The following ENOSF1 variants were observed in gnomAD, a reference collection of about 807,000 sequenced individuals.
ENOSF1 encodes the protein mitochondrial enolase superfamily member 1.
ENOSF1 carries 73 observed loss-of-function variants against 68.2 expected under a neutral mutation model. The observed-to-expected ratio is 1.07, with a 90% confidence interval of 0.89 to 1.30. The LOEUF (loss-of-function observed/expected upper bound fraction) is 1.30, where lower values mean the gene tolerates loss of function less well. ENOSF1 is among the 50% of genes most tolerant of loss of function. The pLI is 0.00. For synonymous variants in ENOSF1, 223 were observed against 210.4 expected (o/e 1.06, Z -0.52); for missense variants, 589 against 554.5 (o/e 1.06, Z -0.62).
At chr18:694,016 C>T in intron 4 of ENOSF1, 108 bp from the exon 5 acceptor site, 2 of 1,263,118 alleles carry the variant, frequency 1.6e-6, no homozygotes, top group Non-Finnish European at 2.3e-6. Context: ...CCACCAGGTC[C>T]CCACACCCCC....
At chr18:704,240 C>G (rs937179956) in intron 2 of ENOSF1, among the ~76,000 whole-genome samples, 3 of 151,826 alleles carry the variant, frequency 2.0e-5, no homozygotes, top group Non-Finnish European at 2.9e-5. Context: ...CCGGCCTGAC[C>G]AAACATGGTG....
At chr18:709,475 A>G (rs1282020506) in intron 1 of ENOSF1, among the ~76,000 whole-genome samples, 2 of 152,188 alleles carry the variant, frequency 1.3e-5, no homozygotes, top group Non-Finnish European at 2.9e-5. Flanking sequence ...TAGATTTCAG[A>G]TTAAGAAGGA....
chr18:686,664 A>G (rs2144857846), intron 9 of ENOSF1: 1 of 152,346 alleles, frequency 6.6e-6, no homozygotes, highest in South Asian at 2.1e-4. Context: ...TCCACACCCT[A>G]TGACTCTGCT....
intron 8 of ENOSF1, among the ~76,000 whole-genome samples, 176 bp downstream of exon 8, chr18:690,373 G>C: frequency 6.6e-6 from 1 of 152,174 alleles, no homozygotes; most frequent in South Asian, 2.1e-4. Context: ...GAGTAAAATA[G>C]CAGGACACCC....
At chr18:691,300 G>A in intron 5 of ENOSF1, 24 bp from the exon 6 acceptor site, 1 of 1,592,040 alleles carries the variant, frequency 6.3e-7, no homozygotes, top group Non-Finnish European at 8.6e-7. Context: ...AGGAGGGGAA[G>A]AGGCCTGAAT....
At chr18:708,760 G>C (rs146173846) in intron 1 of ENOSF1, among the ~76,000 whole-genome samples, 2 of 152,258 alleles carry the variant, frequency 1.3e-5, no homozygotes, top group South Asian at 2.1e-4. Context: ...CAAGGTAGCA[G>C]CAGCAGCAGT....
downstream of ENOSF1, chr18:667,801 T>C (rs117960403): frequency 6.6e-5 from 10 of 152,274 alleles, no homozygotes; most frequent in Non-Finnish European, 1.0e-4. Context: ...AGGGTGTCCG[T>C]AGGATGTGAG....
intron 13 of ENOSF1, 121 bp downstream of exon 13, chr18:677,622 T>C (rs962146915): frequency 2.9e-6 from 4 of 1,385,326 alleles, no homozygotes; most frequent in Middle Eastern, 2.6e-4. Flanking sequence ...AAATGAGAGT[T>C]AGAAAAAAAT....
chr18:700,228 G>C (rs1292678790), intron 2 of ENOSF1, among the ~76,000 whole-genome samples: 1 of 152,118 alleles, frequency 6.6e-6, no homozygotes, highest in Non-Finnish European at 1.5e-5. Context: ...TTTGTTAATG[G>C]GATACACAAT....
rs1350198395 is a variant in ENOSF1 at position 677,401 on chromosome 18, C to G, written c.1092G>C (p.Leu364=). The G allele has an allele frequency of 1.9e-6, 3 of 1,613,602 alleles. No individual in the cohort carries two copies. In the Admixed American group the frequency reaches 5.0e-5, roughly 27 times the overall value. ...AGTCAAATATAATCAGGTGCTGCAC[C>G]AGTTCACAGAGGCCAACTCCACCAG... is the stretch of plus-strand genomic sequence containing the variant. The part of the protein sequence containing the change: ...PHAGGVGLCE[L]VQHLIIFDYI... Residue 364 remains leucine (L), a synonymous_variant, in exon 14 of 16, where the codon CTG becomes CTC. Coordinates refer to ENST00000647584, the MANE Select transcript of ENOSF1 (RefSeq NM_017512.7).
chr18:692,617 A>C, intron 5 of ENOSF1: 2 of 785,908 alleles, frequency 2.5e-6, no homozygotes, highest in African/African-American at 2.0e-5. Flanking sequence ...AAAAGAAAGA[A>C]AGAAAAAAAG....
intron 3 of ENOSF1, among the ~76,000 whole-genome samples, chr18:696,363 C>A (rs1227510280): frequency 1.3e-5 from 2 of 152,006 alleles, no homozygotes; most frequent in Non-Finnish European, 2.9e-5. Flanking sequence ...AGGCGCCCGC[C>A]ACCATGCCCG....
Position 694,229 on chromosome 18 carries a change from CGTTTGTGAGAGGGGTTA to C in ENOSF1, c.396+2_396+18del. ...GTACAGCTCCCAGGAGCCTCCTGAGCGTTTGTGAGAGGGGTTACCTTTCCCTCCTGCTTGGCCCACAA... is the reference window on the plus strand; with the variant it reads ...GTACAGCTCCCAGGAGCCTCCTGAGCCCTTTCCCTCCTGCTTGGCCCACAA... On this transcript the variant is annotated splice_donor_variant and splice_donor_5th_base_variant and intron_variant, in intron 4 of 15. Transcript: ENST00000647584. LOFTEE classifies it high-confidence loss of function. The C allele has an allele frequency of 6.2e-7, 1 of 1,612,410 alleles. No homozygotes were observed. The highest frequency in any genetic ancestry group is 1.1e-5 in the South Asian group (1 of 90,858).
chr18:704,262 T>C (rs561897413), intron 2 of ENOSF1, among the ~76,000 whole-genome samples: 3 of 151,648 alleles, frequency 2.0e-5, no homozygotes, highest in Admixed American at 1.3e-4. Flanking sequence ...AACCTCATCT[T>C]TACTAAAAAT....
chr18:690,759 C>A, intron 7 of ENOSF1, 128 bp from the exon 8 acceptor site: 1 of 1,244,386 alleles, frequency 8.0e-7, no homozygotes, highest in East Asian at 4.3e-5. Context: ...CACACACACA[C>A]CCAGCCACAA....
chr18:682,480 G>A (rs980656405), intron 11 of ENOSF1, among the ~76,000 whole-genome samples: 6 of 152,050 alleles, frequency 3.9e-5, no homozygotes, highest in Non-Finnish European at 8.8e-5. Context: ...TATATACTGC[G>A]CCATTATATA....
chr18:711,565 G>C (rs1254788016), intron 1 of ENOSF1, among the ~76,000 whole-genome samples: 1 of 152,200 alleles, frequency 6.6e-6, no homozygotes, highest in Non-Finnish European at 1.5e-5. Context: ...ACGAGGGGCA[G>C]TGAGGACCCA....
chr18:690,007 TTGG>T (rs2076988646), intron 8 of ENOSF1, among the ~76,000 whole-genome samples: 1 of 152,118 alleles, frequency 6.6e-6, no homozygotes, highest in Admixed American at 6.5e-5. Context: ...AGCTTCCAGG[TTGG>T]TGAACACGTG....
chr18:682,422 G>A (rs573657028), intron 11 of ENOSF1, among the ~76,000 whole-genome samples: 5 of 152,222 alleles, frequency 3.3e-5, no homozygotes, highest in African/African-American at 9.6e-5. Context: ...TCTCTACAAC[G>A]TCACTGGGCA....
Sources: allele counts gnomAD v4.1 joint callset (sites outside exome capture counted in the v4.1 genomes callset), GRCh38; gene constraint gnomAD v4.1.1; transcripts MANE v1.5; gene names NCBI Gene and HGNC (gene_info 2026-07-23, HGNC 2026-07-21).